The following NBPF3 variants were observed in gnomAD, a reference collection of about 807,000 sequenced individuals.
NBPF3 encodes the protein NBPF member 3, also known as NBPF family member NBPF3.
Under a neutral mutation model 78.1 loss-of-function variants are expected in NBPF3, and 57 were observed. That is an observed-to-expected ratio of 0.73 (90% CI 0.59 to 0.91). The LOEUF (loss-of-function observed/expected upper bound fraction) is 0.91. NBPF3 is among the 40% of genes least tolerant of loss of function. The pLI is 0.00. For synonymous variants in NBPF3, 182 were observed against 271.7 expected, an observed-to-expected ratio of 0.67 and a Z score of 3.25; for missense variants, 510 against 715.3, an observed-to-expected ratio of 0.71 and a Z score of 3.27.
At chr1:21,445,968 C>T (rs1409312836) in intron 2 of NBPF3, 1 of 152,538 alleles carries the variant, frequency 6.6e-6, no homozygotes, top group African/African-American at 2.4e-5. Flanking sequence ...CCCACCACTG[C>T]AGGCATTGAG....
upstream of NBPF3, among the ~76,000 whole-genome samples, chr1:21,437,172 G>A (rs1359994048): frequency 6.6e-6 from 1 of 152,084 alleles, no homozygotes; most frequent in Non-Finnish European, 1.5e-5. Context: ...GGAAATCAGA[G>A]CTTGGGAACT....
chr1:21,479,848 G>GTGTGTA lies in NBPF3; in HGVS notation c.1209-193_1209-188dup, dbSNP rs1553398400. On this transcript the variant is annotated intron_variant, in intron 10 of 14. Coordinates refer to ENST00000318249, the MANE Select transcript of NBPF3 (RefSeq NM_032264.6). ...TGTGTGTGTGTGTGTGTGTGTGTGT[G>GTGTGTA]TGTGTATGTGTATGTCTTTCTCTTT... is the stretch of plus-strand genomic sequence containing the variant. 3.4e-3 allele frequency among the ~76,000 whole-genome samples: 415 copies of GTGTGTA among 121,356 alleles called. 10 individuals carry two copies. The highest frequency in any genetic ancestry group is 6.4e-3 in the East Asian group (25 of 3,902). 79.6% of individuals were successfully genotyped at this position (121,356 alleles called of 152,430 possible). A position where few individuals can be genotyped will look rare whatever the true frequency, so the allele number is the denominator to read the frequency against.
chr1:21,444,558 A>G (rs1465348463), intron 1 of NBPF3, among the ~76,000 whole-genome samples: 1 of 152,154 alleles, frequency 6.6e-6, no homozygotes, highest in Non-Finnish European at 1.5e-5. Flanking sequence ...GTATTTAGTC[A>G]GGACTCTATT....
intron 2 of NBPF3, chr1:21,459,607 G>T: frequency 4.5e-6 from 1 of 220,022 alleles, no homozygotes. Context: ...GTGTGTATGA[G>T]AAGGAAAGGG....
At chr1:21,458,271 C>T (rs531216959) in intron 2 of NBPF3, among the ~76,000 whole-genome samples, 10 of 151,450 alleles carry the variant, frequency 6.6e-5, no homozygotes, top group Admixed American at 3.9e-4. Flanking sequence ...AGAATGTCTT[C>T]GTTATTTTGT....
chr1:21,473,544 CCT>C lies in NBPF3; in HGVS notation c.903_904del (p.His302Ter). 6.2e-7 allele frequency: 1 copy of C among 1,614,214 alleles called. No homozygotes were observed. The highest frequency in any genetic ancestry group is 1.1e-5 in the South Asian group (1 of 91,076). On this transcript the variant is annotated frameshift_variant, in exon 7 of 15. Transcript: ENST00000318249. LOFTEE classifies it high-confidence loss of function. ...GTCGACTCAACTCTCATTGACTCAT[CCT>C]CTCATGATGAATGGTTGGATGCTGT...
At chr1:21,449,013 T>C (rs1489447282) in intron 2 of NBPF3, among the ~76,000 whole-genome samples, 1 of 152,216 alleles carries the variant, frequency 6.6e-6, no homozygotes, top group African/African-American at 2.4e-5. Flanking sequence ...TACAACTCAA[T>C]GACTTAAGGT....
upstream of NBPF3, among the ~76,000 whole-genome samples, chr1:21,439,686 G>T (rs1481722278): frequency 6.7e-6 from 1 of 150,372 alleles, no homozygotes; most frequent in Non-Finnish European, 1.5e-5. Flanking sequence ...TTTCTTTTTC[G>T]TCCAGGCTGG....
At chr1:21,466,451 G>A (rs1642268876) in intron 2 of NBPF3, among the ~76,000 whole-genome samples, 1 of 152,308 alleles carries the variant, frequency 6.6e-6, no homozygotes, top group South Asian at 2.1e-4. Flanking sequence ...TTGTGCTTAT[G>A]AAAAGGCCAA....
intron 2 of NBPF3, chr1:21,446,091 T>A (rs1274404152): frequency 1.3e-5 from 2 of 152,318 alleles, no homozygotes; most frequent in Admixed American, 1.3e-4. Flanking sequence ...GAAAGGCAAA[T>A]GGATGACATC....
chr1:21,457,288 A>G (rs1469025169), intron 2 of NBPF3, among the ~76,000 whole-genome samples: 2 of 151,570 alleles, frequency 1.3e-5, no homozygotes, highest in East Asian at 3.9e-4. Flanking sequence ...CATAAAAAGA[A>G]ACCACAATAT....
In NBPF3 at chr1:21,476,158, A is replaced by G. The variant is rs1437462619; in HGVS notation, c.992+1207A>G. 6.6e-6 allele frequency among the ~76,000 whole-genome samples: 1 copy of G among 152,012 alleles called. No homozygotes were observed. The highest frequency in any genetic ancestry group is 1.5e-5 in the Non-Finnish European group (1 of 68,018). ...TCCTCCATCCCTTTATTTTGAGCCTATGTGTGTCTCTGCACGTGAGATGGG... is the reference window on the plus strand; with the variant it reads ...TCCTCCATCCCTTTATTTTGAGCCTGTGTGTGTCTCTGCACGTGAGATGGG... On this transcript the variant is annotated intron_variant, in intron 8 of 14. Coordinates refer to ENST00000318249, the MANE Select transcript of NBPF3 (RefSeq NM_032264.6). The surrounding 1 kb of genome is among the most constrained non-coding windows in gnomAD (Gnocchi z 4.1).
intron 2 of NBPF3, among the ~76,000 whole-genome samples, chr1:21,467,581 A>G (rs1321669279): frequency 2.0e-5 from 3 of 152,328 alleles, no homozygotes; most frequent in South Asian, 4.1e-4. Context: ...AACGAAATAG[A>G]TATCAAACCA....
chr1:21,461,268 A>G (rs1179670118), intron 2 of NBPF3, among the ~76,000 whole-genome samples: 8 of 21,290 alleles, frequency 3.8e-4, no homozygotes, highest in African/African-American at 6.9e-4. Context: ...GAGAATATTC[A>G]TAGTTACTTA....
At chr1:21,453,315 C>T (rs1240333765) in intron 2 of NBPF3, 1 of 152,208 alleles carries the variant, frequency 6.6e-6, no homozygotes, top group Non-Finnish European at 1.5e-5. Context: ...AGTGGCCACT[C>T]TTCCACAGCC....
chr1:21,455,871 G>A (rs920606797), intron 2 of NBPF3, among the ~76,000 whole-genome samples: 4 of 152,200 alleles, frequency 2.6e-5, no homozygotes, highest in Admixed American at 1.3e-4. Flanking sequence ...TACTTGAGGC[G>A]GAGGAGGGTT....
At position 21,445,111 on chromosome 1, in the gene NBPF3, G is replaced by A. The variant is rs1640887973; in HGVS notation, c.25G>A (p.Gly9Ser). Residue 9 changes from glycine (G) to serine (S), a missense_variant, in exon 2 of 15, where the codon GGC (glycine) becomes AGC (serine). Gly to Ser is a moderately conservative substitution (Grantham distance 56). Coordinates refer to ENST00000318249, the MANE Select transcript of NBPF3 (RefSeq NM_032264.6). MPLTPTVQGFQWTLRGPDV... is the reference protein window; with the variant it reads MPLTPTVQSFQWTLRGPDV... ...GATGCCACTGACTCCCACTGTCCAG[G>A]GCTTCCAGTGGACTCTCCGAGGCCC... is the stretch of plus-strand genomic sequence containing the variant. 2.5e-6 allele frequency: 4 copies of A among 1,611,692 alleles called. No homozygotes were observed. The highest frequency in any genetic ancestry group is 2.7e-5 in the African/African-American group (2 of 74,824).
In NBPF3 at chr1:21,471,600, C is replaced by T. The variant is rs781276910; in HGVS notation, c.478C>T (p.Arg160Ter). 9.9e-6 allele frequency: 16 copies of T among 1,612,046 alleles called. 1 individual carries two copies. Among genetic ancestry groups the T allele is most frequent in the South Asian group, 5.5e-5 (5 of 90,982 alleles). Reference sequence around the variant, plus strand: ...TAAAGTCCTGGTTCACTCTCAGGAACGAGAGCTGACCCAGTTAAGGGAGAA... The same window carrying T: ...TAAAGTCCTGGTTCACTCTCAGGAATGAGAGCTGACCCAGTTAAGGGAGAA... ...QYKVLVHSQERELTQLREKLQ... is the reference protein window; with the variant it reads ...QYKVLVHSQE Residue 160 changes from arginine to a stop codon, truncating the protein, a stop_gained, in exon 5 of 15, where the codon CGA becomes TGA. Transcript: ENST00000318249. LOFTEE classifies it high-confidence loss of function.
intron 1 of NBPF3, among the ~76,000 whole-genome samples, chr1:21,440,615 C>T (rs1165311908): frequency 6.6e-6 from 1 of 152,146 alleles, no homozygotes; most frequent in African/African-American, 2.4e-5. Flanking sequence ...GGTGGAGGGA[C>T]GGAGCAGCTT....
Sources: gnomAD v4.1 joint callset for allele counts (sites outside exome capture counted in the v4.1 genomes callset) on GRCh38, gnomAD v4.1.1 for gene constraint, Gnocchi (gnomAD v3.1) non-coding constraint, MANE v1.5 for transcripts, NCBI Gene and HGNC (gene_info 2026-07-23, HGNC 2026-07-21) for gene names.